The following RHOBTB1 variants were observed in gnomAD, a reference collection of about 807,000 sequenced individuals.
The protein encoded by RHOBTB1 is Rho related BTB domain containing 1.
Under a neutral mutation model 71.6 loss-of-function variants are expected in RHOBTB1, and 40 were observed. The observed-to-expected ratio is 0.56, with a 90% confidence interval of 0.43 to 0.73. The LOEUF is 0.73. Ranked by LOEUF, RHOBTB1 falls within the 30% of genes least tolerant of loss-of-function variation. The probability of loss-of-function intolerance (pLI) is 0.00; values close to 1 mark genes in which losing one functional copy is unlikely to be tolerated. For missense variants in RHOBTB1, 797 were observed against 894.0 expected (o/e 0.89, Z 1.38); for synonymous variants, 319 against 334.9 (o/e 0.95, Z 0.52).
intron 2 of RHOBTB1, among the ~76,000 whole-genome samples, chr10:60,953,439 C>T (rs1272506634): frequency 6.6e-6 from 1 of 152,070 alleles, no homozygotes; most frequent in African/African-American, 2.4e-5. Flanking sequence ...GGAATGAATA[C>T]CAAATGAGAC....
At chr10:60,976,514 G>A (rs970925775) in intron 2 of RHOBTB1, among the ~76,000 whole-genome samples, 1 of 151,900 alleles carries the variant, frequency 6.6e-6, no homozygotes, top group Admixed American at 6.6e-5. Context: ...TTTATAGCCA[G>A]TCTTTATGCA....
At chr10:60,988,429 C>T (rs1411821894) in intron 1 of RHOBTB1, among the ~76,000 whole-genome samples, 1 of 151,562 alleles carries the variant, frequency 6.6e-6, no homozygotes, top group African/African-American at 2.4e-5. Flanking sequence ...AGCATAGTAC[C>T]CAACTGGTAG....
rs1240290852 is a variant in RHOBTB1 at position 60,870,261 on chromosome 10, C to A, written c.*1221G>T. The A allele has an allele frequency of 6.6e-6, 1 of 152,426 alleles. No individual in the cohort carries two copies. The highest frequency in any genetic ancestry group is 1.5e-5 in the Non-Finnish European group (1 of 68,022). The allele number at this position is 152,426 out of a possible 1,614,324, so 9.4% of individuals were successfully genotyped here. On this transcript the variant is annotated 3_prime_UTR_variant, in exon 11 of 11. Transcript: ENST00000337910. ...CTGAAAACTCAGAATGAGAAAGAGT[C>A]AGAACGAACTCACAATAGCACCATT... is the stretch of plus-strand genomic sequence containing the variant.
At chr10:60,986,936 G>C (rs1195149673) in intron 1 of RHOBTB1, among the ~76,000 whole-genome samples, 1 of 152,106 alleles carries the variant, frequency 6.6e-6, no homozygotes, top group Admixed American at 6.5e-5. Flanking sequence ...CAACAGTAAG[G>C]AGGAGTTTCT....
intron 1 of RHOBTB1, among the ~76,000 whole-genome samples, chr10:60,998,869 C>T (rs576688423): frequency 3.9e-5 from 6 of 152,214 alleles, no homozygotes; most frequent in Non-Finnish European, 7.3e-5. Flanking sequence ...GAGACTGCAA[C>T]GCAGCAGGAA....
intron 2 of RHOBTB1, among the ~76,000 whole-genome samples, chr10:60,919,738 C>CT (rs2083455166): frequency 6.6e-6 from 1 of 152,198 alleles, no homozygotes. Flanking sequence ...GAAAGAAGCA[C>CT]TTTTTACTAC....
chr10:60,943,254 C>A (rs2085012812), intron 1 of RHOBTB1, among the ~76,000 whole-genome samples: 1 of 152,218 alleles, frequency 6.6e-6, no homozygotes, highest in African/African-American at 2.4e-5. Flanking sequence ...ATGTTTGATA[C>A]TGCTGGGGAT....
At chr10:60,866,168 C>A (rs1010085568), downstream of RHOBTB1, among the ~76,000 whole-genome samples, 1 of 152,134 alleles carries the variant, frequency 6.6e-6, no homozygotes, top group South Asian at 2.1e-4. Context: ...AGGGCATGTA[C>A]AAGAAGGCTC....
At chr10:60,918,744 T>A in intron 2 of RHOBTB1, among the ~76,000 whole-genome samples, 1 of 150,134 alleles carries the variant, frequency 6.7e-6, no homozygotes, top group Non-Finnish European at 1.5e-5. Context: ...TCTTTTCTTT[T>A]CTTTTTCTTT....
At chr10:60,880,570 G>A (rs1180296157) in intron 7 of RHOBTB1, among the ~76,000 whole-genome samples, 2 of 152,084 alleles carry the variant, frequency 1.3e-5, no homozygotes, top group Non-Finnish European at 2.9e-5. Context: ...AGTTACATAA[G>A]TCATTACCAT....
rs1453802736 is a variant in RHOBTB1, at chr10:60,875,071, A to G, written c.1727-29T>C. The G allele has an allele frequency of 1.5e-5, 23 of 1,570,698 alleles. 1 individual carries two copies. The highest frequency in any genetic ancestry group is 9.0e-5 in the East Asian group (4 of 44,680). On this transcript the variant is annotated intron_variant, in intron 8 of 10. Transcript: ENST00000337910. Reference sequence around the variant, plus strand: ...GGGAAGAGAGAGGGGGCAGGAGAACATTAAACCACGCCCTGCGAGCCAGGT... The same window carrying G: ...GGGAAGAGAGAGGGGGCAGGAGAACGTTAAACCACGCCCTGCGAGCCAGGT...
intron 6 of RHOBTB1, 126 bp downstream of exon 6, chr10:60,888,086 G>A (rs1174052215): frequency 5.6e-6 from 6 of 1,063,400 alleles, no homozygotes; most frequent in South Asian, 1.7e-5. Flanking sequence ...GCTTAGAAAG[G>A]TACATGGGAA....
Position 60,988,186 on chromosome 10 carries a change from G to A in RHOBTB1, c.-162-2241C>T, listed in dbSNP as rs914200809. ...CCTGACCTCGTGATCTGCCCGCCTCGGCCTCCCAAAGTGCTGGGATTGCAG... is the reference window on the plus strand; with the variant it reads ...CCTGACCTCGTGATCTGCCCGCCTCAGCCTCCCAAAGTGCTGGGATTGCAG... On this transcript the variant is annotated intron_variant, in intron 1 of 11. Transcript: ENST00000357917. Among the ~76,000 whole-genome samples the A allele has an allele frequency of 5.3e-5, 8 of 151,538 alleles. No individual in the cohort carries two copies. The East Asian group carries it at 9.8e-4, about 18-fold the overall frequency.
At chr10:60,925,311 A>T (rs943353702) in intron 2 of RHOBTB1, among the ~76,000 whole-genome samples, 3 of 152,226 alleles carry the variant, frequency 2.0e-5, no homozygotes, top group Non-Finnish European at 2.9e-5. Flanking sequence ...GCAAGAAAAG[A>T]CTAATATGCT....
At chr10:60,862,120 C>G in the RHOBTB1 span, among the ~76,000 whole-genome samples, 3 of 150,162 alleles carry the variant, frequency 2.0e-5, no homozygotes, top group Non-Finnish European at 4.4e-5. Flanking sequence ...TCCTCTCTTT[C>G]TTCTCTCTCT....
chr10:60,953,771 A>G (rs1331274440), intron 2 of RHOBTB1, among the ~76,000 whole-genome samples: 2 of 151,886 alleles, frequency 1.3e-5, no homozygotes, highest in Admixed American at 6.6e-5. Flanking sequence ...GTGGCTAATG[A>G]TGAAAAAAAA....
intron 2 of RHOBTB1, among the ~76,000 whole-genome samples, chr10:60,936,848 G>T (rs1445753315): frequency 6.6e-6 from 1 of 152,198 alleles, no homozygotes; most frequent in African/African-American, 2.4e-5. Flanking sequence ...TTTGAGATTA[G>T]TAGAAGGTTA....
At chr10:60,886,290 G>A (rs2081571354) in intron 6 of RHOBTB1, 60 bp from the exon 7 acceptor site, 18 of 1,263,402 alleles carry the variant, frequency 1.4e-5, no homozygotes, top group Non-Finnish European at 1.7e-5. Context: ...TTCAACCAAG[G>A]CTTCTGCTCC....
chr10:60,985,509 A>G (rs1423936838), intron 2 of RHOBTB1, among the ~76,000 whole-genome samples: 2 of 152,234 alleles, frequency 1.3e-5, no homozygotes, highest in African/African-American at 4.8e-5. Context: ...TTCAGAGTCC[A>G]CATGTCAATT....
Sources: allele counts gnomAD v4.1 joint callset (sites outside exome capture counted in the v4.1 genomes callset), GRCh38; gene constraint gnomAD v4.1.1; transcripts MANE v1.5; gene names NCBI Gene and HGNC (gene_info 2026-07-23, HGNC 2026-07-21).